Variants in PTPRD observed in about 807,000 individuals in gnomAD.
PTPRD encodes the protein receptor-type tyrosine-protein phosphatase delta.
Under a neutral mutation model 214.5 loss-of-function variants are expected in PTPRD, and 34 were observed. The ratio of observed to expected loss-of-function variants is 0.16; its 90% CI spans 0.12 to 0.21. The LOEUF is 0.21. Ranked by LOEUF, PTPRD falls within the 10% of genes least tolerant of loss-of-function variation. The pLI, the probability that PTPRD is intolerant of heterozygous loss-of-function variation, is 1.00. For synonymous variants in PTPRD, 1,128 were observed against 845.7 expected, an observed-to-expected ratio of 1.33 and a Z score of -5.79; for missense variants, 2,545 against 2,398.7, an observed-to-expected ratio of 1.06 and a Z score of -1.27.
intron 3 of PTPRD, among the ~76,000 whole-genome samples, chr9:10,216,883 T>C (rs191039666): frequency 6.6e-6 from 1 of 152,118 alleles, no homozygotes; most frequent in East Asian, 1.9e-4. Context: ...ATATATTCAA[T>C]TTCTGTCTTC....
chr9:9,839,617 G>T (rs1279666995), intron 5 of PTPRD, among the ~76,000 whole-genome samples: 2 of 151,918 alleles, frequency 1.3e-5, no homozygotes, highest in African/African-American at 4.8e-5. Flanking sequence ...CGTGAAAATG[G>T]CCATACTGCC....
In PTPRD at chr9:8,894,239, C is replaced by T. The variant is rs930863953; in HGVS notation, c.-104+124458G>A. Among the ~76,000 whole-genome samples the T allele has an allele frequency of 3.3e-5, 5 of 151,218 alleles. No individual in the cohort carries two copies. In the South Asian group the frequency reaches 6.3e-4, roughly 19 times the overall value. The stretch of plus-strand genomic sequence containing the variant: ...GTGTGGTAATGCGTGCCTGTAATCC[C>T]AGCTACTCAGGAGGCTGAGGCAGGA... On this transcript the variant is annotated intron_variant, in intron 11 of 45. Coordinates refer to ENST00000381196, the MANE Select transcript of PTPRD (RefSeq NM_002839.4).
chr9:9,908,798 G>C (rs1025950260), intron 5 of PTPRD, among the ~76,000 whole-genome samples: 101 of 152,046 alleles, frequency 6.6e-4, no homozygotes, highest in African/African-American at 2.0e-3. Context: ...TCTTTGGGAA[G>C]TTTTTGAAAA....
At chr9:8,630,534 G>C (rs932300672) in intron 14 of PTPRD, among the ~76,000 whole-genome samples, 5 of 151,758 alleles carry the variant, frequency 3.3e-5, no homozygotes, top group African/African-American at 9.6e-5. Context: ...TTAAGATTAT[G>C]TTTAGACTAC....
chr9:10,100,488 G>A (rs755577990), intron 3 of PTPRD, among the ~76,000 whole-genome samples: 7 of 151,468 alleles, frequency 4.6e-5, no homozygotes, highest in South Asian at 2.1e-4. Flanking sequence ...CTAGACACTC[G>A]GAAATACATT....
At chr9:10,506,358 C>T (rs767695165) in intron 2 of PTPRD, among the ~76,000 whole-genome samples, 3 of 152,050 alleles carry the variant, frequency 2.0e-5, no homozygotes, top group Non-Finnish European at 4.4e-5. Flanking sequence ...AACCTTGGTA[C>T]CATACTATTA....
rs113996308 is a variant in PTPRD at position 9,181,305 on chromosome 9, A to T, written c.-143+1999T>A. Among the ~76,000 whole-genome samples, 431 of 152,056 alleles carry T rather than the reference A, an allele frequency of 2.8e-3. 4 individuals carry two copies. The highest frequency in any genetic ancestry group is 9.4e-3 in the African/African-American group (392 of 41,516). ...TCGTTTTTATTCACTTTGAAAATAC[A>T]GTTAGAAAAAAAGCCTTTTCTCTAG... On this transcript the variant is annotated intron_variant, in intron 10 of 45. Transcript: ENST00000381196.
At chr9:9,229,154 T>G (rs1055212106) in intron 9 of PTPRD, among the ~76,000 whole-genome samples, 7 of 152,182 alleles carry the variant, frequency 4.6e-5, no homozygotes, top group Admixed American at 2.6e-4. Context: ...TGCTATATTC[T>G]TGGTCTAAAT....
At chr9:8,477,597 A>G (rs1444343562) in intron 30 of PTPRD, among the ~76,000 whole-genome samples, 2 of 152,142 alleles carry the variant, frequency 1.3e-5, no homozygotes, top group Non-Finnish European at 2.9e-5. Flanking sequence ...TTAATGATGA[A>G]TGTCATTCCT....
chr9:8,766,992 A>G (rs75828212), intron 11 of PTPRD, among the ~76,000 whole-genome samples: 1 of 152,090 alleles, frequency 6.6e-6, no homozygotes, highest in Admixed American at 6.6e-5. Flanking sequence ...TTTCCTTTCA[A>G]CTCTGGTATG....
chr9:10,087,627 C>T (rs1298073517), intron 3 of PTPRD, among the ~76,000 whole-genome samples: 5 of 151,756 alleles, frequency 3.3e-5, no homozygotes, highest in African/African-American at 9.6e-5. Context: ...CTCTCCAAAA[C>T]ATCCCTTCAC....
intron 2 of PTPRD, among the ~76,000 whole-genome samples, chr9:10,505,133 G>C (rs2045477624): frequency 6.6e-6 from 1 of 152,158 alleles, no homozygotes; most frequent in South Asian, 2.1e-4. Flanking sequence ...CGGGTAGCAA[G>C]TAATATGTCT....
intron 2 of PTPRD, among the ~76,000 whole-genome samples, chr9:10,432,478 C>A (rs1487746717): frequency 2.0e-5 from 3 of 151,646 alleles, no homozygotes; most frequent in African/African-American, 7.3e-5. Flanking sequence ...AAATTCTCAA[C>A]TAATTTATCC....
chr9:9,091,352 G>T (rs539930286), intron 10 of PTPRD: 2 of 727,018 alleles, frequency 2.8e-6, no homozygotes, highest in Admixed American at 2.0e-5. Flanking sequence ...TATTTTTCTG[G>T]AACTGTACAT....
chr9:9,416,845 G>A (rs2077135886), intron 8 of PTPRD, among the ~76,000 whole-genome samples: 1 of 152,098 alleles, frequency 6.6e-6, no homozygotes, highest in Admixed American at 6.6e-5. Flanking sequence ...TTCAAATCCT[G>A]TTCTCATTTC....
chr9:9,367,298 TATC>T (rs1467076992), intron 9 of PTPRD, among the ~76,000 whole-genome samples: 1 of 151,530 alleles, frequency 6.6e-6, no homozygotes, highest in Non-Finnish European at 1.5e-5. Flanking sequence ...CAGGTAAAAG[TATC>T]ATTTCAAGGA....
At chr9:9,534,801 C>G (rs536022021) in intron 8 of PTPRD, among the ~76,000 whole-genome samples, 1 of 152,010 alleles carries the variant, frequency 6.6e-6, no homozygotes, top group Non-Finnish European at 1.5e-5. Context: ...CTTATTTTTA[C>G]TTTTGCCTCT....
intron 10 of PTPRD, among the ~76,000 whole-genome samples, chr9:9,091,980 T>G (rs1335875999): frequency 6.6e-6 from 1 of 152,212 alleles, no homozygotes; most frequent in Non-Finnish European, 1.5e-5. Context: ...TAAGTGTCTC[T>G]GCCATTTTCT....
chr9:8,610,886 A>G (rs1203251585), intron 14 of PTPRD, among the ~76,000 whole-genome samples: 1 of 152,246 alleles, frequency 6.6e-6, no homozygotes. Flanking sequence ...CCCCAGAAAA[A>G]TAACTTTACT....
Sources: gnomAD v4.1 joint callset for allele counts (sites outside exome capture counted in the v4.1 genomes callset) on GRCh38, gnomAD v4.1.1 for gene constraint, MANE v1.5 for transcripts, NCBI Gene and HGNC (gene_info 2026-07-23, HGNC 2026-07-21) for gene names.